The following STAU2 variants were observed in gnomAD, a reference collection of about 807,000 sequenced individuals.
The protein encoded by STAU2 is double-stranded RNA-binding protein Staufen homolog 2.
A neutral mutation model predicts 65.9 loss-of-function variants in STAU2; 20 were observed. The ratio of observed to expected loss-of-function variants is 0.30; its 90% CI spans 0.21 to 0.44. The LOEUF (loss-of-function observed/expected upper bound fraction) is 0.44, where lower values mean the gene tolerates loss of function less well. STAU2 is among the 20% of genes least tolerant of loss of function. The pLI, the probability that STAU2 is intolerant of heterozygous loss-of-function variation, is 1.00. For missense variants in STAU2, 558 were observed against 683.9 expected, an observed-to-expected ratio of 0.82 and a Z score of 2.05; for synonymous variants, 232 against 233.9, an observed-to-expected ratio of 0.99 and a Z score of 0.07.
chr8:73,515,293 A>G (rs1822643589), intron 13 of STAU2, among the ~76,000 whole-genome samples: 1 of 152,232 alleles, frequency 6.6e-6, no homozygotes, highest in Non-Finnish European at 1.5e-5. Context: ...GCTATTTGCC[A>G]TGTGGAATGA....
In STAU2 at chr8:73,658,936, A is replaced by ACAAC. The variant is rs1301053970; in HGVS notation, c.410+14170_410+14171insGTTG. 1.9e-3 allele frequency among the ~76,000 whole-genome samples: 92 copies of ACAAC among 47,848 alleles called. 1 individual carries two copies. The highest frequency in any genetic ancestry group is 4.7e-3 in the African/African-American group (88 of 18,672). 31.4% of individuals were successfully genotyped at this position (47,848 alleles called of 152,430 possible). On this transcript the variant is annotated intron_variant, in intron 6 of 14. Transcript: ENST00000524300. ...TCAAAAAACAACAACAACAACAACA[A>ACAAC]AAACAACAAAAAAAAAAAACCAACC...
At chr8:73,523,187 C>T (rs868224885) in intron 13 of STAU2, among the ~76,000 whole-genome samples, 1 of 100,678 alleles carries the variant, frequency 9.9e-6, no homozygotes, top group South Asian at 4.1e-4. Context: ...CAGAGCAAGA[C>T]TTTGTCTCCA....
chr8:73,446,213 T>C (rs1818457932), intron 13 of STAU2, among the ~76,000 whole-genome samples: 3 of 152,206 alleles, frequency 2.0e-5, no homozygotes, highest in Non-Finnish European at 2.9e-5. Flanking sequence ...ATGATTCCAT[T>C]TATGTAACAT....
At chr8:73,606,886 T>A (rs1409923557) in intron 9 of STAU2, among the ~76,000 whole-genome samples, 1 of 152,056 alleles carries the variant, frequency 6.6e-6, no homozygotes, top group East Asian at 1.9e-4. Context: ...AAATATTACC[T>A]GCAAAAAAAC....
intron 5 of STAU2, among the ~76,000 whole-genome samples, chr8:73,687,331 A>ATATAAATTATATTTATATTTATATT (rs1818955052): frequency 9.6e-6 from 1 of 104,684 alleles, no homozygotes; most frequent in African/African-American, 3.5e-5. Context: ...ATATTTATAA[A>ATATAAATTATATTTATATTTATATT]TATAATTTAT....
chr8:73,541,722 T>C (rs965207715), intron 13 of STAU2, among the ~76,000 whole-genome samples: 3 of 152,102 alleles, frequency 2.0e-5, no homozygotes, highest in Admixed American at 1.3e-4. Flanking sequence ...TATACAGATA[T>C]GGAATCTCAA....
intron 6 of STAU2, among the ~76,000 whole-genome samples, chr8:73,657,900 G>A (rs550090384): frequency 6.6e-6 from 1 of 152,136 alleles, no homozygotes; most frequent in East Asian, 1.9e-4. Flanking sequence ...TGTAATCCCA[G>A]CTACTAGGGA....
intron 12 of STAU2, among the ~76,000 whole-genome samples, chr8:73,556,965 G>A (rs1807831351): frequency 6.6e-6 from 1 of 152,008 alleles, no homozygotes; most frequent in South Asian, 2.1e-4. Context: ...TTTGACAAAT[G>A]GAGTGTCATA....
intron 5 of STAU2, among the ~76,000 whole-genome samples, chr8:73,682,969 A>G (rs1298937134): frequency 6.6e-6 from 1 of 152,100 alleles, no homozygotes; most frequent in Non-Finnish European, 1.5e-5. Context: ...TAATTTTAAA[A>G]CTGACAACAA....
At chr8:73,746,843 C>G, upstream of STAU2, 6 of 1,223,760 alleles carry the variant, frequency 4.9e-6, no homozygotes, top group Non-Finnish European at 6.1e-6. Flanking sequence ...AGAGAACTGA[C>G]CCCGCTCGGC....
intron 13 of STAU2, among the ~76,000 whole-genome samples, chr8:73,520,801 T>C (rs1822998672): frequency 6.6e-6 from 1 of 152,202 alleles, no homozygotes; most frequent in Non-Finnish European, 1.5e-5. Flanking sequence ...GGGAATAACC[T>C]GAGTCCTTGC....
At chr8:73,549,113 G>A (rs1807142910) in intron 13 of STAU2, among the ~76,000 whole-genome samples, 1 of 152,108 alleles carries the variant, frequency 6.6e-6, no homozygotes, top group Admixed American at 6.5e-5. Flanking sequence ...TAGTAAAAGT[G>A]TACACAACAA....
intron 3 of STAU2, among the ~76,000 whole-genome samples, chr8:73,733,571 A>G (rs1806223991): frequency 6.6e-6 from 1 of 152,222 alleles, no homozygotes; most frequent in Non-Finnish European, 1.5e-5. Flanking sequence ...TAATGACTGA[A>G]AAGTATAAAG....
At chr8:73,635,305 T>C (rs1422795321) in intron 6 of STAU2, among the ~76,000 whole-genome samples, 1 of 152,004 alleles carries the variant, frequency 6.6e-6, no homozygotes, top group Admixed American at 6.6e-5. Context: ...AAAAAGTCAA[T>C]GAAACAGGTG....
In STAU2 at chr8:73,622,806, T is replaced by C. The variant is rs563527322; in HGVS notation, c.411-5355A>G. Among the ~76,000 whole-genome samples the C allele has an allele frequency of 1.2e-4, 19 of 152,286 alleles. 1 individual carries two copies. The East Asian group carries it at 3.3e-3, about 26-fold the overall frequency. On this transcript the variant is annotated intron_variant, in intron 6 of 14. Transcript: ENST00000524300. Reference sequence around the variant, plus strand: ...GCATGTCAGATCAAATAGACACAAGTGCATGACGTAAAATCAAAGTGAAAC... The same window carrying C: ...GCATGTCAGATCAAATAGACACAAGCGCATGACGTAAAATCAAAGTGAAAC...
At chr8:73,514,691 T>C (rs1165711059) in intron 13 of STAU2, among the ~76,000 whole-genome samples, 1 of 152,248 alleles carries the variant, frequency 6.6e-6, no homozygotes, top group Non-Finnish European at 1.5e-5. Context: ...AGTATTCATA[T>C]GTAGATTTTT....
intron 12 of STAU2, among the ~76,000 whole-genome samples, chr8:73,577,069 T>C (rs1294654547): frequency 1.3e-5 from 2 of 152,196 alleles, no homozygotes; most frequent in Non-Finnish European, 2.9e-5. Flanking sequence ...TTCTTCTTCT[T>C]TACCTTCAGA....
chr8:73,739,783 G>C lies in STAU2; in HGVS notation c.-111C>G. On this transcript the variant is annotated 5_prime_UTR_variant, in exon 2 of 15. Transcript: ENST00000524300. ...TCTGAGCCTTGGTTCAAATTACTTT[G>C]TGTATCTTTGAGTTCTTCTTTTTCT... is the stretch of plus-strand genomic sequence containing the variant. The C allele has an allele frequency of 6.6e-7, 1 of 1,522,778 alleles. No homozygotes were observed. The highest frequency in any genetic ancestry group is 8.7e-7 in the Non-Finnish European group (1 of 1,143,264). 94.3% of individuals were successfully genotyped at this position (1,522,778 alleles called of 1,614,324 possible).
At chr8:73,506,100 A>G (rs1426465228) in intron 13 of STAU2, among the ~76,000 whole-genome samples, 1 of 152,034 alleles carries the variant, frequency 6.6e-6, no homozygotes, top group Admixed American at 6.6e-5. Context: ...AATGAACCCT[A>G]TTTTCTTTAT....
Sources: gnomAD v4.1 joint callset for allele counts (sites outside exome capture counted in the v4.1 genomes callset) on GRCh38, gnomAD v4.1.1 for gene constraint, MANE v1.5 for transcripts, NCBI Gene and HGNC (gene_info 2026-07-23, HGNC 2026-07-21) for gene names.